The following TAFA5 variants were observed in gnomAD, a reference collection of about 807,000 sequenced individuals.
The protein encoded by TAFA5 is TAFA chemokine like family member 5.
Under a neutral mutation model 15.3 loss-of-function variants are expected in TAFA5, and 6 were observed. The observed-to-expected ratio is 0.39, with a 90% CI of 0.21 to 0.77. The LOEUF (loss-of-function observed/expected upper bound fraction) is 0.77. Among genes scored for constraint, TAFA5 ranks in the 30% least tolerant of loss-of-function variants. The pLI is 0.41. For synonymous variants in TAFA5, 103 were observed against 80.7 expected (o/e 1.28, Z -1.48); for missense variants, 161 against 193.1 (o/e 0.83, Z 0.98).
chr22:48,606,842 C>T (rs569584734), intron 1 of TAFA5, among the ~76,000 whole-genome samples: 19 of 152,318 alleles, frequency 1.2e-4, no homozygotes, highest in East Asian at 5.8e-4. Flanking sequence ...TGCTGTCAGA[C>T]GCTGGGGTTC....
At chr22:48,562,749 A>G (rs949527382) in intron 1 of TAFA5, among the ~76,000 whole-genome samples, 16 of 152,136 alleles carry the variant, frequency 1.1e-4, no homozygotes, top group African/African-American at 3.6e-4. Context: ...TCTCTGGTTA[A>G]TGGTGGGTCA....
At chr22:48,613,578 G>A (rs1326036161) in intron 1 of TAFA5, among the ~76,000 whole-genome samples, 7 of 152,146 alleles carry the variant, frequency 4.6e-5, no homozygotes, top group South Asian at 2.1e-4. Context: ...CGCTCATCTC[G>A]CCTTCCCAGC....
At chr22:48,541,397 C>T (rs1379855692) in intron 1 of TAFA5, among the ~76,000 whole-genome samples, 2 of 152,296 alleles carry the variant, frequency 1.3e-5, no homozygotes, top group East Asian at 3.9e-4. Context: ...TGGAGACCCT[C>T]CCCATTCCCA....
chr22:48,728,007 G>A (rs1008197404), intron 3 of TAFA5, among the ~76,000 whole-genome samples: 1 of 152,138 alleles, frequency 6.6e-6, no homozygotes, highest in Non-Finnish European at 1.5e-5. Flanking sequence ...CTATATTAAG[G>A]TCAAGTAAAC....
At chr22:48,649,000 A>G (rs1926962519) in intron 2 of TAFA5, among the ~76,000 whole-genome samples, 1 of 152,190 alleles carries the variant, frequency 6.6e-6, no homozygotes, top group Non-Finnish European at 1.5e-5. Flanking sequence ...TGGGTGTCTC[A>G]TTGATGAGCG....
intron 3 of TAFA5, among the ~76,000 whole-genome samples, chr22:48,740,658 G>A (rs1033783292): frequency 6.6e-6 from 1 of 152,208 alleles, no homozygotes; most frequent in Admixed American, 6.5e-5. Context: ...ATTCCAGAGA[G>A]AGCAGATGGG....
intron 1 of TAFA5, among the ~76,000 whole-genome samples, chr22:48,571,806 A>G (rs972942891): frequency 1.3e-5 from 2 of 151,850 alleles, no homozygotes; most frequent in East Asian, 3.9e-4. Context: ...TGTTTAGGAT[A>G]TACCCTCTAG....
chr22:48,569,517 C>A (rs919437242), intron 1 of TAFA5, among the ~76,000 whole-genome samples: 1 of 152,210 alleles, frequency 6.6e-6, no homozygotes, highest in East Asian at 1.9e-4. Flanking sequence ...TCAAGGCCCA[C>A]GGGGTGCATA....
chr22:48,531,846 C>T (rs1921984711), intron 1 of TAFA5, among the ~76,000 whole-genome samples: 1 of 152,176 alleles, frequency 6.6e-6, no homozygotes, highest in Non-Finnish European at 1.5e-5. Context: ...TCCCACCCCC[C>T]AACTCCCCCG....
chr22:48,622,593 T>C (rs1925879124), intron 1 of TAFA5, among the ~76,000 whole-genome samples: 1 of 152,182 alleles, frequency 6.6e-6, no homozygotes, highest in South Asian at 2.1e-4. Context: ...GTTGAGGCTC[T>C]GCCAAGAAGA....
chr22:48,673,270 G>A (rs1349162245), intron 2 of TAFA5, among the ~76,000 whole-genome samples: 2 of 150,882 alleles, frequency 1.3e-5, no homozygotes, highest in Non-Finnish European at 2.9e-5. Flanking sequence ...GTGGATCTCT[G>A]CAGATGTTTT....
intron 3 of TAFA5, among the ~76,000 whole-genome samples, chr22:48,718,760 C>T (rs1929480800): frequency 6.6e-6 from 1 of 152,182 alleles, no homozygotes; most frequent in African/African-American, 2.4e-5. Flanking sequence ...TCCACCCCCG[C>T]CCCCCAACCT....
chr22:48,498,826 C>T (rs1920938409), intron 1 of TAFA5, among the ~76,000 whole-genome samples: 1 of 152,194 alleles, frequency 6.6e-6, no homozygotes, highest in Non-Finnish European at 1.5e-5. Flanking sequence ...TGCTCTAGCG[C>T]ACCTATACCT....
intron 1 of TAFA5, among the ~76,000 whole-genome samples, chr22:48,601,811 C>T (rs998159604): frequency 2.6e-5 from 4 of 152,220 alleles, no homozygotes; most frequent in African/African-American, 7.2e-5. Flanking sequence ...GTGCGCCCTA[C>T]GCCTTTCCAC....
intron 2 of TAFA5, among the ~76,000 whole-genome samples, chr22:48,652,762 G>A (rs1028395241): frequency 2.9e-4 from 44 of 152,338 alleles, no homozygotes; most frequent in African/African-American, 1.0e-3. Context: ...GTACCTTCCA[G>A]TACGCGACGG....
intron 1 of TAFA5, among the ~76,000 whole-genome samples, chr22:48,585,790 C>T (rs1356240237): frequency 6.6e-6 from 1 of 152,002 alleles, no homozygotes; most frequent in Non-Finnish European, 1.5e-5. Context: ...CCACACATAC[C>T]CTGTGAAGGC....
At chr22:48,615,178 C>T (rs1302026334) in intron 1 of TAFA5, among the ~76,000 whole-genome samples, 1 of 152,180 alleles carries the variant, frequency 6.6e-6, no homozygotes, top group East Asian at 1.9e-4. Flanking sequence ...GTATGTGTCT[C>T]TCCAGGTGAG....
Position 48,745,246 on chromosome 22 carries a change from T to G in TAFA5, c.391-4593T>G, listed in dbSNP as rs886454057. On this transcript the variant is annotated intron_variant, in intron 3 of 3. Coordinates refer to ENST00000402357, the MANE Select transcript of TAFA5 (RefSeq NM_001082967.3). ...CTGAGCATTGGCACACACGGCTTTGTCGGCGGCGGCTGGCCTGTCCGGGGT... is the reference window on the plus strand; with the variant it reads ...CTGAGCATTGGCACACACGGCTTTGGCGGCGGCGGCTGGCCTGTCCGGGGT... Among the ~76,000 whole-genome samples, 4 of 151,100 alleles carry G rather than the reference T, an allele frequency of 2.6e-5. No individual in the cohort carries two copies. The East Asian group carries it at 5.9e-4, about 22-fold the overall frequency.
At chr22:48,656,853 C>T (rs1024157345) in intron 2 of TAFA5, among the ~76,000 whole-genome samples, 6 of 149,436 alleles carry the variant, frequency 4.0e-5, no homozygotes, top group African/African-American at 1.5e-4. Flanking sequence ...CAACCTCTGC[C>T]CTCCCGGGTT....
Sources: gnomAD v4.1 joint callset for allele counts (sites outside exome capture counted in the v4.1 genomes callset) on GRCh38, gnomAD v4.1.1 for gene constraint, MANE v1.5 for transcripts, NCBI Gene and HGNC (gene_info 2026-07-23, HGNC 2026-07-21) for gene names.